The following SPTBN1 variants were observed in gnomAD, a reference collection of about 807,000 sequenced individuals.
SPTBN1 encodes spectrin beta chain, non-erythrocytic 1.
Under a neutral mutation model 266.4 loss-of-function variants are expected in SPTBN1, and 32 were observed. That is an observed-to-expected ratio of 0.12 (90% CI 0.09 to 0.16). SPTBN1 has a LOEUF of 0.16. Among genes scored for constraint, SPTBN1 ranks in the 10% least tolerant of loss-of-function variants. The probability of loss-of-function intolerance (pLI) is 1.00; values close to 1 mark genes in which losing one functional copy is unlikely to be tolerated. For missense variants in SPTBN1, 2,296 were observed against 3,067.1 expected, an observed-to-expected ratio of 0.75 and a Z score of 5.94; for synonymous variants, 1,336 against 1,162.2, an observed-to-expected ratio of 1.15 and a Z score of -3.04.
intron 2 of SPTBN1, among the ~76,000 whole-genome samples, chr2:54,550,355 C>T (rs567555873): frequency 1.3e-5 from 2 of 152,258 alleles, no homozygotes; most frequent in African/African-American, 4.8e-5. Flanking sequence ...AGCAGAAGCT[C>T]AGGTGCTGAG....
At chr2:54,551,177 C>G (rs552295473) in intron 2 of SPTBN1, among the ~76,000 whole-genome samples, 1 of 152,354 alleles carries the variant, frequency 6.6e-6, no homozygotes, top group African/African-American at 2.4e-5. Flanking sequence ...CCATATCACT[C>G]TTGTAAAACT....
At chr2:54,523,937 C>T (rs1031818017) in intron 1 of SPTBN1, among the ~76,000 whole-genome samples, 9 of 152,188 alleles carry the variant, frequency 5.9e-5, no homozygotes, top group Non-Finnish European at 1.3e-4. Context: ...TGGTGGCTCA[C>T]GCCTGTAATC....
chr2:54,504,959 C>G (rs542086919), intron 1 of SPTBN1, among the ~76,000 whole-genome samples: 1 of 152,012 alleles, frequency 6.6e-6, no homozygotes, highest in African/African-American at 2.4e-5. Context: ...CCAATGAAAA[C>G]GTGTATAAAT....
chr2:54,483,302 G>T (rs1187992201), intron 1 of SPTBN1, among the ~76,000 whole-genome samples: 1 of 152,202 alleles, frequency 6.6e-6, no homozygotes, highest in Non-Finnish European at 1.5e-5. Flanking sequence ...GGGCACCACG[G>T]GGTTAAGAAT....
rs1368959957 is a variant in SPTBN1, at chr2:54,456,460, C to G, written c.-106C>G. 1 of 152,036 alleles carries G rather than the reference C, an allele frequency of 6.6e-6. No homozygotes were observed. The highest frequency in any genetic ancestry group is 2.4e-5 in the African/African-American group (1 of 41,424). 9.4% of individuals were successfully genotyped at this position (152,036 alleles called of 1,614,324 possible). On this transcript the variant is annotated 5_prime_UTR_variant, in exon 1 of 36. Coordinates refer to ENST00000356805, the MANE Select transcript of SPTBN1 (RefSeq NM_003128.3). ...GGAGTCGCCTCCCGGCCCACCCGCC[C>G]GGCCGCCGAGGAGCGGGAGGAGGAC...
intron 32 of SPTBN1, chr2:54,662,722 C>T (rs1362743255): frequency 6.6e-6 from 1 of 152,198 alleles, no homozygotes; most frequent in African/African-American, 2.4e-5. Flanking sequence ...AGTCCACTCA[C>T]ATTATTTTGA....
intron 1 of SPTBN1, among the ~76,000 whole-genome samples, chr2:54,494,614 T>C (rs1668868627): frequency 6.6e-6 from 1 of 152,214 alleles, no homozygotes; most frequent in African/African-American, 2.4e-5. Context: ...ATAATTATAC[T>C]GGGTAAGCAG....
chr2:54,569,904 G>A (rs1673936916), intron 2 of SPTBN1, among the ~76,000 whole-genome samples: 1 of 152,002 alleles, frequency 6.6e-6, no homozygotes, highest in African/African-American at 2.4e-5. Flanking sequence ...CCTGTTCTGG[G>A]TGTGGTTTCC....
At chr2:54,614,054 A>G (rs1677406855) in intron 4 of SPTBN1, among the ~76,000 whole-genome samples, 1 of 152,120 alleles carries the variant, frequency 6.6e-6, no homozygotes, top group Non-Finnish European at 1.5e-5. Flanking sequence ...CAGTTTGCAT[A>G]TTCCTATAAT....
intron 3 of SPTBN1, among the ~76,000 whole-genome samples, chr2:54,608,377 T>C (rs1676990822): frequency 6.6e-6 from 1 of 152,106 alleles, no homozygotes. Flanking sequence ...ACCAGAATGA[T>C]TGGAAATGGG....
chr2:54,657,717 G>T (rs1185867357), intron 29 of SPTBN1, 133 bp from the exon 30 acceptor site: 9 of 1,048,692 alleles, frequency 8.6e-6, no homozygotes, highest in Non-Finnish European at 1.2e-5. Context: ...ATTGGACAGG[G>T]CTAATTTAGA....
chr2:54,522,661 A>AGAGG (rs1553439368), intron 1 of SPTBN1, among the ~76,000 whole-genome samples: 1 of 87,726 alleles, frequency 1.1e-5, no homozygotes, highest in Non-Finnish European at 2.3e-5. Flanking sequence ...AGAGAGAAAG[A>AGAGG]GAGAGAGAGA....
At chr2:54,571,269 A>G (rs573030071) in intron 2 of SPTBN1, among the ~76,000 whole-genome samples, 22 of 152,158 alleles carry the variant, frequency 1.4e-4, no homozygotes, top group Non-Finnish European at 2.4e-4. Flanking sequence ...GTGGATTTGC[A>G]TAAACCAACA....
chr2:54,560,305 C>A (rs1283580591), intron 2 of SPTBN1, among the ~76,000 whole-genome samples: 2 of 151,992 alleles, frequency 1.3e-5, no homozygotes, highest in Non-Finnish European at 1.5e-5. Context: ...TGTGTCATCC[C>A]GCCTGGGGGA....
chr2:54,645,326 T>C lies in SPTBN1; in HGVS notation c.4367T>C (p.Val1456Ala), dbSNP rs1280301759. ...LSQEGKSTDE[V>A]DSKRLTVQTK... ...CAGGAAGGGAAGAGCACCGACGAGG[T>C]AGACAGCAAGCGCCTCACCGTGCAG... Residue 1456 changes from valine (V) to alanine (A), a missense_variant, in exon 21 of 36, where the codon GTA (valine) becomes GCA (alanine). Coordinates refer to ENST00000356805, the MANE Select transcript of SPTBN1 (RefSeq NM_003128.3). The surrounding 1 kb of genome is among the most constrained non-coding windows in gnomAD (Gnocchi z 4.3). 1.9e-6 allele frequency: 3 copies of C among 1,613,858 alleles called. No homozygotes were observed. Among genetic ancestry groups the C allele is most frequent in the East Asian group, 2.2e-5 (1 of 44,876 alleles).
At chr2:54,502,785 A>T (rs190796469) in intron 1 of SPTBN1, among the ~76,000 whole-genome samples, 1 of 152,286 alleles carries the variant, frequency 6.6e-6, no homozygotes, top group Non-Finnish European at 1.5e-5. Context: ...TTGAGCAGGA[A>T]CCTTCTGGAG....
chr2:54,509,490 A>G (rs1164254968), intron 1 of SPTBN1, among the ~76,000 whole-genome samples: 1 of 152,272 alleles, frequency 6.6e-6, no homozygotes, highest in African/African-American at 2.4e-5. Flanking sequence ...GGGCAGCGGC[A>G]GCTGCTGCAC....
chr2:54,631,001 G>C lies in SPTBN1; in HGVS notation c.2954G>C (p.Gly985Ala). ...GTCATCGAGTCCACCCAGGACCTGG[G>C]CAATGACCTGGCTGGCGTCATGGCC... ...TKVIESTQDL[G>A]NDLAGVMALQ... Residue 985 changes from glycine (G) to alanine (A), a missense_variant, in exon 16 of 36, where the codon GGC becomes GCC. Physicochemically the swap from Gly to Ala is moderately conservative, Grantham distance 60. Coordinates refer to ENST00000356805, the MANE Select transcript of SPTBN1 (RefSeq NM_003128.3). 1.2e-6 allele frequency: 2 copies of C among 1,614,160 alleles called. No individual in the cohort carries two copies. The highest frequency in any genetic ancestry group is 1.7e-6 in the Non-Finnish European group (2 of 1,180,036).
chr2:54,617,657 A>C lies in SPTBN1; in HGVS notation c.616A>C (p.Met206Leu). 1 of 1,614,188 alleles carries C rather than the reference A, an allele frequency of 6.2e-7. No individual in the cohort carries two copies. Among genetic ancestry groups the C allele is most frequent in the Non-Finnish European group, 8.5e-7 (1 of 1,180,014 alleles). The change falls in exon 6 of 36, where the codon ATG becomes CTG. Residue 206 changes from methionine (M) to leucine (L), a missense_variant. Physicochemically the swap from Met to Leu is conservative, Grantham distance 15. Around this residue, in one of 12 missense-constraint regions of SPTBN1, gnomAD observed 178 missense variants for 375.7 expected, o/e 0.47. Transcript: ENST00000356805. The stretch of plus-strand genomic sequence containing the variant: ...TTTCACCACTAGCTGGAGGGACGGC[A>C]TGGCCTTCAATGCACTGATACACAA... ...HNFTTSWRDGMAFNALIHKHR... is the reference protein window; with the variant it reads ...HNFTTSWRDGLAFNALIHKHR...
Sources: gnomAD v4.1 joint callset for allele counts (sites outside exome capture counted in the v4.1 genomes callset) on GRCh38, gnomAD v4.1.1 for gene constraint, gnomAD v4.1.1 regional missense constraint, Gnocchi (gnomAD v3.1) non-coding constraint, MANE v1.5 for transcripts, NCBI Gene and HGNC (gene_info 2026-07-23, HGNC 2026-07-21) for gene names.